The following NLRP5 variants were observed in gnomAD, a reference collection of about 807,000 sequenced individuals.
NLRP5 encodes NACHT, LRR and PYD domains-containing protein 5.
Under a neutral mutation model 113.1 loss-of-function variants are expected in NLRP5, and 93 were observed. That is an observed-to-expected ratio of 0.82 (90% CI 0.70 to 0.98). The LOEUF is 0.98. Ranked by LOEUF, NLRP5 falls within the 50% of genes least tolerant of loss-of-function variation. The probability of loss-of-function intolerance (pLI) is 0.00; values close to 1 mark genes in which losing one functional copy is unlikely to be tolerated. For synonymous variants in NLRP5, 751 were observed against 600.7 expected, an observed-to-expected ratio of 1.25 and a Z score of -3.66; for missense variants, 1,808 against 1,514.3, an observed-to-expected ratio of 1.19 and a Z score of -3.22.
chr19:56,023,977 G>A (rs572793275), intron 6 of NLRP5, among the ~76,000 whole-genome samples: 1 of 152,026 alleles, frequency 6.6e-6, no homozygotes, highest in Non-Finnish European at 1.5e-5. Context: ...CGTTCATTGA[G>A]TACCTATCAG....
Position 56,027,004 on chromosome 19 carries a change from T to C in NLRP5, c.771T>C (p.Ala257=), listed in dbSNP as rs112918376. The C allele has an allele frequency of 4.3e-3, 6,618 of 1,551,872 alleles. 28 individuals carry two copies. The highest frequency in any genetic ancestry group is 5.0e-3 in the South Asian group (424 of 84,062). The change falls in exon 7 of 15, where the codon GCT becomes GCC. Residue 257 remains alanine (A), a synonymous_variant. Coordinates refer to ENST00000390649, the MANE Select transcript of NLRP5 (RefSeq NM_153447.4). ...TACGTCGTAGTTTTGAAAACACTGCTGCTGACTGGCCGGAAATGCAAACGT... is the reference window on the plus strand; with the variant it reads ...TACGTCGTAGTTTTGAAAACACTGCCGCTGACTGGCCGGAAATGCAAACGT...
rs946765634 is a variant in NLRP5, at chr19:56,049,377, C to T, written c.2958-1041C>T. 8.5e-5 allele frequency among the ~76,000 whole-genome samples: 13 copies of T among 152,050 alleles called. 1 individual carries two copies. The highest frequency in any genetic ancestry group is 2.9e-4 in the African/African-American group (12 of 41,392). ...TGTATTTTTAGTAGAGATGGGGTTT[C>T]TCCATGTTGGTCAGGCTGGTATCGA... On this transcript the variant is annotated intron_variant, in intron 11 of 14. Coordinates refer to ENST00000390649, the MANE Select transcript of NLRP5 (RefSeq NM_153447.4).
At chr19:56,054,176 T>C (rs1489667099) in intron 13 of NLRP5, among the ~76,000 whole-genome samples, 1 of 152,052 alleles carries the variant, frequency 6.6e-6, no homozygotes, top group Non-Finnish European at 1.5e-5. Flanking sequence ...ATTACCTGAG[T>C]GGTCCTTAAA....
chr19:56,018,383 G>T (rs535268045), intron 4 of NLRP5, among the ~76,000 whole-genome samples: 1 of 152,230 alleles, frequency 6.6e-6, no homozygotes, highest in African/African-American at 2.4e-5. Context: ...AATATATATA[G>T]TGGTTATTCT....
chr19:56,019,700 A>T (rs1982541183), intron 5 of NLRP5, among the ~76,000 whole-genome samples: 1 of 152,174 alleles, frequency 6.6e-6, no homozygotes, highest in South Asian at 2.1e-4. Flanking sequence ...GGCCAAGAGT[A>T]GTCAAATGCT....
chr19:56,003,657 T>G, intron 1 of NLRP5, 79 bp from the exon 2 acceptor site: 3 of 1,496,736 alleles, frequency 2.0e-6, no homozygotes, highest in Non-Finnish European at 2.7e-6. Context: ...GTTCATCTAG[T>G]GAGGTGATTG....
At chr19:56,013,383 G>A (rs907830503) in intron 3 of NLRP5, among the ~76,000 whole-genome samples, 4 of 151,708 alleles carry the variant, frequency 2.6e-5, no homozygotes, top group African/African-American at 7.3e-5. Flanking sequence ...CAGTAGAGAC[G>A]GGGTTTCACA....
At chr19:56,049,434 G>C (rs562971417) in intron 11 of NLRP5, among the ~76,000 whole-genome samples, 1 of 152,100 alleles carries the variant, frequency 6.6e-6, no homozygotes, top group African/African-American at 2.4e-5. Flanking sequence ...ACCCACCTCA[G>C]CCACCCAAAG....
chr19:56,001,932 A>T (rs764413761), intron 1 of NLRP5, among the ~76,000 whole-genome samples: 3 of 152,164 alleles, frequency 2.0e-5, no homozygotes, highest in African/African-American at 4.8e-5. Flanking sequence ...CAAACTGGCC[A>T]ACCAGTACTG....
upstream of NLRP5, among the ~76,000 whole-genome samples, chr19:55,999,212 C>CTTTTTTTTTTTTTTTTTTTT (rs906346601): frequency 2.7e-5 from 3 of 111,710 alleles, no homozygotes; most frequent in Admixed American, 1.1e-4. Flanking sequence ...TTTTCTTTTT[C>CTTTTTTTTTTTTTTTTTTTT]TTTTTTTTTT....
At chr19:56,052,246 GTTTTGT>G (rs56132416) in intron 12 of NLRP5, among the ~76,000 whole-genome samples, 36 of 146,528 alleles carry the variant, frequency 2.5e-4, no homozygotes, top group African/African-American at 5.7e-4. Context: ...GTTTTGTTTT[GTTTTGT>G]TTTTGTTTTT....
chr19:55,999,670 C>T, upstream of NLRP5: 5 of 1,343,240 alleles, frequency 3.7e-6, no homozygotes, highest in Middle Eastern at 7.3e-4. Flanking sequence ...TGATTTCCAG[C>T]TTCCAGAGGA....
rs558729994 is a variant in NLRP5 at position 56,005,204 on chromosome 19, TACACATAC to T, written c.442+1117_442+1124del. On this transcript the variant is annotated intron_variant, in intron 2 of 14. Transcript: ENST00000390649. The stretch of plus-strand genomic sequence containing the variant: ...ATACACACATATTTTTATATACACA[TACACATAC>T]ACACATATACACATATATTTTTATA... Among the ~76,000 whole-genome samples, 31 of 135,518 alleles carry T rather than the reference TACACATAC, an allele frequency of 2.3e-4. No individual in the cohort carries two copies. In the East Asian group the frequency reaches 2.4e-3, roughly 10 times the overall value. The allele number at this position is 135,518 out of a possible 152,430, so 88.9% of individuals were successfully genotyped here. A position where few individuals can be genotyped will look rare whatever the true frequency, so the allele number is the denominator to read the frequency against.
rs777951050 is a variant in NLRP5 at position 56,027,712 on chromosome 19, C to T, written c.1479C>T (p.Pro493=). Residue 493 remains proline, a synonymous_variant, in exon 7 of 15, where the codon CCC becomes CCT. Transcript: ENST00000390649. ...ACGTGGTGGGGGAGAGCGTCGCCCCCTTCAACCAAACGCTCACAGGCCTGC... is the reference window on the plus strand; with the variant it reads ...ACGTGGTGGGGGAGAGCGTCGCCCCTTTCAACCAAACGCTCACAGGCCTGC... The T allele has an allele frequency of 1.9e-6, 3 of 1,613,696 alleles. No individual in the cohort carries two copies. The highest frequency in any genetic ancestry group is 3.3e-5 in the Admixed American group (2 of 60,014).
intron 1 of NLRP5, among the ~76,000 whole-genome samples, chr19:56,001,161 T>C (rs1462659976): frequency 1.5e-4 from 2 of 12,934 alleles, no homozygotes; most frequent in African/African-American, 3.9e-4. Context: ...TGTCTCTACT[T>C]TTTTTTTTTT....
intron 3 of NLRP5, among the ~76,000 whole-genome samples, chr19:56,015,113 GTC>G (rs761306668): frequency 1.3e-5 from 2 of 152,182 alleles, no homozygotes; most frequent in Non-Finnish European, 2.9e-5. Flanking sequence ...CAGGATACAA[GTC>G]TCTCATTTCA....
Position 56,038,081 on chromosome 19 carries a change from C to A in NLRP5, c.2672C>A (p.Thr891Lys). Residue 891 changes from threonine to lysine, a missense_variant, in exon 10 of 15, where the codon ACG (threonine) becomes AAG (lysine). By Grantham distance (78) the Thr-to-Lys change is moderately conservative (BLOSUM62 -1). Transcript: ENST00000390649. ...TACCTGAAGATCTCCCAAATCCTTA[C>A]GACCTCCCCCAGCCTGAAATCTCTG... The A allele has an allele frequency of 6.2e-6, 10 of 1,613,918 alleles. No homozygotes were observed. The highest frequency in any genetic ancestry group is 1.3e-5 in the African/African-American group (1 of 75,038).
chr19:56,005,492 G>C (rs1981858522), intron 2 of NLRP5, among the ~76,000 whole-genome samples: 1 of 146,448 alleles, frequency 6.8e-6, no homozygotes, highest in African/African-American at 2.6e-5. Context: ...CACACACGCA[G>C]GTGGCATGCC....
rs1983384151 is a variant in NLRP5 at position 56,038,084 on chromosome 19, C to T, written c.2675C>T (p.Thr892Ile). The stretch of plus-strand genomic sequence containing the variant: ...CTGAAGATCTCCCAAATCCTTACGA[C>T]CTCCCCCAGCCTGAAATCTCTGAGC... The change falls in exon 10 of 15, where the codon ACC (threonine) becomes ATC (isoleucine). Residue 892 changes from threonine to isoleucine, a missense_variant. Coordinates refer to ENST00000390649, the MANE Select transcript of NLRP5 (RefSeq NM_153447.4). 1 of 1,613,964 alleles carries T rather than the reference C, an allele frequency of 6.2e-7. No homozygotes were observed. Among genetic ancestry groups the T allele is most frequent in the Non-Finnish European group, 8.5e-7 (1 of 1,179,864 alleles).
Sources: gnomAD v4.1 joint callset for allele counts (sites outside exome capture counted in the v4.1 genomes callset) on GRCh38, gnomAD v4.1.1 for gene constraint, MANE v1.5 for transcripts, NCBI Gene and HGNC (gene_info 2026-07-23, HGNC 2026-07-21) for gene names.